Variants in DOCK9 observed in about 807,000 individuals in gnomAD.
DOCK9 encodes the protein dedicator of cytokinesis protein 9.
In DOCK9, 89 loss-of-function variants were observed where a neutral mutation model predicts 263.3. That is an observed-to-expected ratio of 0.34 (90% CI 0.28 to 0.40). The LOEUF (loss-of-function observed/expected upper bound fraction) is 0.40, where lower values mean the gene tolerates loss of function less well. DOCK9 is among the 10% of genes least tolerant of loss of function. The pLI is 1.00. For missense variants in DOCK9, 2,140 were observed against 2,603.4 expected (o/e 0.82, Z 3.87); for synonymous variants, 976 against 973.1 (o/e 1.00, Z -0.06).
chr13:98,862,331 G>A (rs2093896708), intron 32 of DOCK9, among the ~76,000 whole-genome samples: 1 of 152,136 alleles, frequency 6.6e-6, no homozygotes, highest in Non-Finnish European at 1.5e-5. Flanking sequence ...ATATATCTAA[G>A]ATGTAAGTTA....
intron 9 of DOCK9, among the ~76,000 whole-genome samples, chr13:98,909,171 G>C (rs2049604162): frequency 6.6e-6 from 1 of 152,200 alleles, no homozygotes; most frequent in African/African-American, 2.4e-5. Flanking sequence ...GCTGTTCTCT[G>C]TAGAAACTGG....
intron 27 of DOCK9, among the ~76,000 whole-genome samples, chr13:98,870,661 A>G (rs1368029489): frequency 6.6e-6 from 1 of 152,222 alleles, no homozygotes; most frequent in Non-Finnish European, 1.5e-5. Context: ...AACTAAAAGT[A>G]GAACAGCTGG....
chr13:99,040,327 C>G (rs988379920), intron 1 of DOCK9, among the ~76,000 whole-genome samples: 1 of 152,092 alleles, frequency 6.6e-6, no homozygotes, highest in East Asian at 1.9e-4. Context: ...CATTTTGTTA[C>G]AGCAGCCCAA....
intron 2 of DOCK9, among the ~76,000 whole-genome samples, chr13:98,930,528 C>A (rs1324026416): frequency 6.6e-6 from 1 of 152,236 alleles, no homozygotes; most frequent in African/African-American, 2.4e-5. Flanking sequence ...AGGGTAGAGG[C>A]CCCGTTCAAA....
chr13:98,943,909 C>A (rs1355205999), intron 2 of DOCK9, among the ~76,000 whole-genome samples: 1 of 152,182 alleles, frequency 6.6e-6, no homozygotes, highest in African/African-American at 2.4e-5. Context: ...GATTAAGCTA[C>A]CCCTGACGGA....
At chr13:99,028,892 T>C (rs765666011) in intron 1 of DOCK9, among the ~76,000 whole-genome samples, 1 of 152,212 alleles carries the variant, frequency 6.6e-6, no homozygotes, top group Non-Finnish European at 1.5e-5. Flanking sequence ...GTCTAGATAC[T>C]GAATATTCAA....
chr13:98,917,319 C>T (rs989639916), intron 7 of DOCK9, among the ~76,000 whole-genome samples: 2 of 152,128 alleles, frequency 1.3e-5, no homozygotes, highest in African/African-American at 4.8e-5. Context: ...AAAGTCAGTG[C>T]CAGAAAATTC....
At chr13:98,972,630 T>A (rs975415460) in intron 1 of DOCK9, among the ~76,000 whole-genome samples, 1 of 152,218 alleles carries the variant, frequency 6.6e-6, no homozygotes, top group Non-Finnish European at 1.5e-5. Context: ...GAGCCTCATG[T>A]AACACTGATC....
intron 1 of DOCK9, among the ~76,000 whole-genome samples, chr13:99,081,792 C>T (rs955732455): frequency 3.9e-5 from 6 of 152,178 alleles, no homozygotes; most frequent in East Asian, 1.9e-4. Context: ...TCTGAGTTCG[C>T]GTACGTTTTG....
chr13:98,943,700 A>C (rs1297346993), intron 2 of DOCK9, among the ~76,000 whole-genome samples: 1 of 152,190 alleles, frequency 6.6e-6, no homozygotes, highest in African/African-American at 2.4e-5. Flanking sequence ...CTATTGTAGG[A>C]ATGTTGGCAA....
chr13:98,839,595 T>G (rs2093134564), intron 38 of DOCK9, among the ~76,000 whole-genome samples: 1 of 152,242 alleles, frequency 6.6e-6, no homozygotes, highest in Non-Finnish European at 1.5e-5. Context: ...TGGCTTTATT[T>G]TAATTCCTTT....
intron 1 of DOCK9, among the ~76,000 whole-genome samples, chr13:99,078,006 CAGG>C (rs1217703102): frequency 2.0e-5 from 3 of 152,126 alleles, no homozygotes; most frequent in African/African-American, 7.2e-5. Context: ...AGAAGAGACA[CAGG>C]AGGAGTTACA....
At position 98,897,622 on chromosome 13, in the gene DOCK9, A is replaced by G. The variant is rs748147549; in HGVS notation, c.1587-12T>C. ...CCTTAAACAATGTCCTGAAATGGCA[A>G]AGCAACATTTCTAAACTGGGTTTCC... On this transcript the variant is annotated splice_polypyrimidine_tract_variant and intron_variant, in intron 14 of 52. Coordinates refer to ENST00000682017, the MANE Select transcript of DOCK9 (RefSeq NM_001366683.2). The G allele has an allele frequency of 6.2e-7, 1 of 1,611,948 alleles. No individual in the cohort carries two copies. Among genetic ancestry groups the G allele is most frequent in the Admixed American group, 1.7e-5 (1 of 59,706 alleles).
intron 1 of DOCK9, among the ~76,000 whole-genome samples, chr13:99,028,405 CTG>C (rs1273062320): frequency 6.6e-6 from 1 of 152,154 alleles, no homozygotes; most frequent in African/African-American, 2.4e-5. Flanking sequence ...GGCAGGACCA[CTG>C]AGAATTCAGA....
At chr13:98,885,591 C>T (rs2045578227) in intron 20 of DOCK9, 117 bp downstream of exon 20, 1 of 1,165,814 alleles carries the variant, frequency 8.6e-7, no homozygotes, top group African/African-American at 1.6e-5. Flanking sequence ...TATCCGTTAC[C>T]TATAAAATTC....
chr13:99,067,581 A>C (rs898972691), intron 1 of DOCK9, among the ~76,000 whole-genome samples: 1 of 152,184 alleles, frequency 6.6e-6, no homozygotes, highest in Admixed American at 6.5e-5. Context: ...ACTCAAAACC[A>C]AATGATTTGG....
intron 48 of DOCK9, among the ~76,000 whole-genome samples, chr13:98,806,195 G>A (rs1176501110): frequency 6.6e-6 from 1 of 152,210 alleles, no homozygotes; most frequent in East Asian, 1.9e-4. Flanking sequence ...AGATGCAACA[G>A]CTGCAGATCA....
chr13:98,965,338 A>C (rs1214382820), intron 1 of DOCK9, among the ~76,000 whole-genome samples: 1 of 152,190 alleles, frequency 6.6e-6, no homozygotes, highest in Non-Finnish European at 1.5e-5. Context: ...TCAGTAGTAT[A>C]TGTTCTTCTC....
At chr13:98,860,668 G>T in intron 32 of DOCK9, 146 bp from the exon 33 acceptor site, 3 of 604,056 alleles carry the variant, frequency 5.0e-6, no homozygotes, top group Middle Eastern at 5.1e-4. Context: ...GCCTTGAGGC[G>T]TGGGTGAGGG....
Sources: allele counts gnomAD v4.1 joint callset (sites outside exome capture counted in the v4.1 genomes callset), GRCh38; gene constraint gnomAD v4.1.1; transcripts MANE v1.5; gene names NCBI Gene and HGNC (gene_info 2026-07-23, HGNC 2026-07-21).